PSMC2: variants seen among roughly 807,000 people sequenced by gnomAD.
PSMC2 encodes 26S proteasome regulatory subunit 7.
In PSMC2, 7 loss-of-function variants were observed where a neutral mutation model predicts 53.3. That is an observed-to-expected ratio of 0.13 (90% CI 0.07 to 0.25). The LOEUF (loss-of-function observed/expected upper bound fraction) is 0.25. Among genes scored for constraint, PSMC2 ranks in the 10% least tolerant of loss-of-function variants. The pLI, the probability that PSMC2 is intolerant of heterozygous loss-of-function variation, is 1.00. For missense variants in PSMC2, 241 were observed against 544.0 expected, an observed-to-expected ratio of 0.44 and a Z score of 5.54; for synonymous variants, 169 against 183.9, an observed-to-expected ratio of 0.92 and a Z score of 0.66.
intron 4 of PSMC2, among the ~76,000 whole-genome samples, chr7:103,358,817 T>C (rs1586153502): frequency 6.6e-6 from 1 of 152,134 alleles, no homozygotes; most frequent in Non-Finnish European, 1.5e-5. Flanking sequence ...ACTTTTCATA[T>C]AGATTTTTCA....
At chr7:103,362,485 T>A in intron 5 of PSMC2, 1 of 1,407,478 alleles carries the variant, frequency 7.1e-7, no homozygotes, top group Non-Finnish European at 9.2e-7. Flanking sequence ...GTTTGATTGC[T>A]GTTGGATAGG....
intron 2 of PSMC2, 147 bp from the exon 3 acceptor site, chr7:103,354,721 A>T: frequency 1.7e-6 from 1 of 595,268 alleles, no homozygotes; most frequent in Non-Finnish European, 3.0e-6. Context: ...TTTAGGGGGA[A>T]ATATTGGGTC....
rs1203414935 is a variant in PSMC2, at chr7:103,368,169, A to G, written c.*115A>G. The G allele has an allele frequency of 1.1e-6, 1 of 906,500 alleles. No individual in the cohort carries two copies. Among genetic ancestry groups the G allele is most frequent in the Admixed American group, 3.0e-5 (1 of 32,806 alleles). The allele number at this position is 906,500 out of a possible 1,614,324, so 56.2% of individuals were successfully genotyped here. A position where few individuals can be genotyped will look rare whatever the true frequency, so the allele number is the denominator to read the frequency against. ...TTCAAAATTGTATGCTTTTTTCCAT[A>G]TCTCTTCTTGTAATATAATAAAAGG... On this transcript the variant is annotated 3_prime_UTR_variant, in exon 12 of 12. Coordinates refer to ENST00000292644, the MANE Select transcript of PSMC2 (RefSeq NM_002803.4).
chr7:103,352,215 TAAAAAAAAAAAAAAA>T lies in PSMC2; in HGVS notation c.71-1689_71-1675del, dbSNP rs769618353. 4.9e-4 allele frequency among the ~76,000 whole-genome samples: 20 copies of T among 40,624 alleles called. No individual in the cohort carries two copies. The South Asian group carries it at 5.3e-3, about 11-fold the overall frequency. 26.7% of individuals were successfully genotyped at this position (40,624 alleles called of 152,430 possible). A position where few individuals can be genotyped will look rare whatever the true frequency, so the allele number is the denominator to read the frequency against. ...TTTCCTACCTCTACTCATACTTAGT[TAAAAAAAAAAAAAAA>T]AAAAAAAAAAAAAAAAGACCTGCCG... On this transcript the variant is annotated intron_variant, in intron 1 of 11. Coordinates refer to ENST00000292644, the MANE Select transcript of PSMC2 (RefSeq NM_002803.4).
intron 1 of PSMC2, among the ~76,000 whole-genome samples, chr7:103,351,495 A>G (rs551816590): frequency 2.4e-4 from 37 of 152,320 alleles, no homozygotes; most frequent in Admixed American, 5.2e-4. Flanking sequence ...TAATGTAGGC[A>G]TCTCTGCCTA....
chr7:103,362,389 T>C, intron 5 of PSMC2: 2 of 1,336,520 alleles, frequency 1.5e-6, no homozygotes, highest in Non-Finnish European at 1.9e-6. Flanking sequence ...TTTAGGATAG[T>C]TGTGATGCTA....
At chr7:103,363,510 G>A (rs1350894598) in intron 7 of PSMC2, 71 bp downstream of exon 7, 2 of 1,339,716 alleles carry the variant, frequency 1.5e-6, no homozygotes, top group Non-Finnish European at 2.1e-6. Context: ...CACTAAAATT[G>A]CTTGTATATT....
chr7:103,350,293 T>G (rs1477571461), intron 1 of PSMC2, among the ~76,000 whole-genome samples: 1 of 152,228 alleles, frequency 6.6e-6, no homozygotes, highest in Non-Finnish European at 1.5e-5. Flanking sequence ...TAGGTTTGAA[T>G]CTTGGCTTTG....
chr7:103,351,472 T>C (rs533339604), intron 1 of PSMC2, among the ~76,000 whole-genome samples: 11 of 152,336 alleles, frequency 7.2e-5, no homozygotes, highest in African/African-American at 2.4e-4. Context: ...CCAGGGTTTT[T>C]ATTATGGGTT....
chr7:103,358,722 T>C (rs1340747791), intron 4 of PSMC2, among the ~76,000 whole-genome samples: 2 of 152,124 alleles, frequency 1.3e-5, no homozygotes, highest in African/African-American at 4.8e-5. Flanking sequence ...TTCTTATCTC[T>C]CTATGGTAAA....
At chr7:103,364,370 A>T (rs1820577740) in intron 8 of PSMC2, 63 bp downstream of exon 8, 10 of 1,571,138 alleles carry the variant, frequency 6.4e-6, no homozygotes, top group South Asian at 1.2e-5. Context: ...GAATGAAATT[A>T]AAAATGGCAC....
At chr7:103,353,856 T>A in intron 1 of PSMC2, 65 bp from the exon 2 acceptor site, 1 of 1,397,070 alleles carries the variant, frequency 7.2e-7, no homozygotes, top group Admixed American at 1.8e-5. Flanking sequence ...AAGCTCTAGT[T>A]TCTTTTTTAA....
chr7:103,355,772 A>T lies in PSMC2; in HGVS notation c.269A>T (p.Glu90Val). Reference sequence around the variant, plus strand: ...GCAGATAAGCAGACACTCCAGAGTGAACAGCCTTTACAGGTTGCCAGGTAT... The same window carrying T: ...GCAGATAAGCAGACACTCCAGAGTGTACAGCCTTTACAGGTTGCCAGGTAT... The part of the protein sequence containing the change: ...LAADKQTLQS[E>V]QPLQVARCTK... The change falls in exon 4 of 12, where the codon GAA becomes GTA. Residue 90 changes from glutamate (E) to valine (V), a missense_variant. Physicochemically the swap from Glu to Val is moderately radical, Grantham distance 121. Around this residue, in one of 6 missense-constraint regions of PSMC2, gnomAD observed 75 missense variants for 185.1 expected, o/e 0.41. Transcript: ENST00000292644. The T allele has an allele frequency of 6.2e-7, 1 of 1,613,852 alleles. No individual in the cohort carries two copies. Among genetic ancestry groups the T allele is most frequent in the Non-Finnish European group, 8.5e-7 (1 of 1,179,838 alleles).
At chr7:103,363,264 T>C in intron 6 of PSMC2, 80 bp from the exon 7 acceptor site, 1 of 1,108,366 alleles carries the variant, frequency 9.0e-7, no homozygotes, top group Admixed American at 2.0e-5. Flanking sequence ...TCTTTTAAGG[T>C]ATTAGGTCTA....
chr7:103,347,791 C>T lies in PSMC2; in HGVS notation c.70+10C>T, dbSNP rs1415257623. ...GACAAGCCCATCCGAGGTCAGTTGACATGGGCCGGAGCTCGGAGCTGGGGC... is the reference window on the plus strand; with the variant it reads ...GACAAGCCCATCCGAGGTCAGTTGATATGGGCCGGAGCTCGGAGCTGGGGC... On this transcript the variant is annotated intron_variant, in intron 1 of 11. Transcript: ENST00000292644. The T allele has an allele frequency of 2.5e-6, 4 of 1,613,752 alleles. No individual in the cohort carries two copies. The highest frequency in any genetic ancestry group is 1.3e-5 in the African/African-American group (1 of 75,020).
rs1175685829 is a variant in PSMC2, at chr7:103,364,895, G to A, written c.756+588G>A. On this transcript the variant is annotated intron_variant, in intron 8 of 11. Coordinates refer to ENST00000292644, the MANE Select transcript of PSMC2 (RefSeq NM_002803.4). ...TTAAAAAGTATACTTTTACTTCAGG[G>A]GCAGTGTTTTCAGTCCTAATGAGAA... is the stretch of plus-strand genomic sequence containing the variant. Among the ~76,000 whole-genome samples, 5 of 149,236 alleles carry A rather than the reference G, an allele frequency of 3.4e-5. No individual in the cohort carries two copies. In the East Asian group the frequency reaches 9.9e-4, roughly 30 times the overall value.
chr7:103,352,844 C>T (rs1207027463), intron 1 of PSMC2: 1 of 780,790 alleles, frequency 1.3e-6, no homozygotes, highest in Non-Finnish European at 2.4e-6. Context: ...AAACCCTGTC[C>T]ACCTGGCCCC....
rs984643227 is a variant in PSMC2 at position 103,358,036 on chromosome 7, T to C, written c.290+2243T>C. ...TCTACCCTGGAGATTGCCCTTTACC[T>C]CTCTCCTGTTGCTTGGTCTAATACA... On this transcript the variant is annotated intron_variant, in intron 4 of 11. Coordinates refer to ENST00000292644, the MANE Select transcript of PSMC2 (RefSeq NM_002803.4). 7.9e-4 allele frequency among the ~76,000 whole-genome samples: 120 copies of C among 152,204 alleles called. 5 individuals carry two copies. Among genetic ancestry groups the C allele is most frequent in the Non-Finnish European group, 1.3e-4 (9 of 68,050 alleles).
At chr7:103,362,585 C>T (rs1586165615) in intron 5 of PSMC2, 101 bp from the exon 6 acceptor site, 3 of 1,446,528 alleles carry the variant, frequency 2.1e-6, no homozygotes, top group Middle Eastern at 1.8e-4. Context: ...CTGTCTCTCT[C>T]TTGTTTTCTT....
Sources: gnomAD v4.1 joint callset for allele counts (sites outside exome capture counted in the v4.1 genomes callset) on GRCh38, gnomAD v4.1.1 for gene constraint, gnomAD v4.1.1 regional missense constraint, MANE v1.5 for transcripts, NCBI Gene and HGNC (gene_info 2026-07-23, HGNC 2026-07-21) for gene names.